Variants in CCR3 observed in about 807,000 individuals in gnomAD.
The protein encoded by CCR3 is C-C chemokine receptor type 3.
For synonymous variants in CCR3, 203 were observed against 179.2 expected (o/e 1.13, Z -1.06); for missense variants, 419 against 437.5 (o/e 0.96, Z 0.38).
chr3:46,223,799 T>C (rs1422964878), intron 2 of CCR3, among the ~76,000 whole-genome samples: 3 of 152,210 alleles, frequency 2.0e-5, no homozygotes, highest in Non-Finnish European at 4.4e-5. Context: ...TTAGATCCCA[T>C]GGCTTGCCTG....
Position 46,236,708 on chromosome 3 carries a change from T to C in CCR3, c.-67-5694T>C, listed in dbSNP as rs117039333. Among the ~76,000 whole-genome samples the C allele has an allele frequency of 7.9e-5, 12 of 152,274 alleles. No individual in the cohort carries two copies. The East Asian group carries it at 2.1e-3, about 27-fold the overall frequency. ...GGATGTCCAGAGTTTCCCAGCAGCATTGGAGAGAGGCAGCACATAGTGGGA... is the reference window on the plus strand; with the variant it reads ...GGATGTCCAGAGTTTCCCAGCAGCACTGGAGAGAGGCAGCACATAGTGGGA... On this transcript the variant is annotated intron_variant, in intron 2 of 3. Coordinates refer to the CCR3 transcript ENST00000357422.
chr3:46,219,462 T>A (rs1200593071), intron 2 of CCR3, among the ~76,000 whole-genome samples: 2 of 152,106 alleles, frequency 1.3e-5, no homozygotes, highest in Non-Finnish European at 2.9e-5. Context: ...ATCATCATTC[T>A]TCACAGAACT....
intron 1 of CCR3, among the ~76,000 whole-genome samples, chr3:46,257,599 G>T (rs1431297302): frequency 6.6e-6 from 1 of 151,968 alleles, no homozygotes; most frequent in Admixed American, 6.6e-5. Context: ...ACATGTATTA[G>T]TATTTAAAAC....
intron 1 of CCR3, among the ~76,000 whole-genome samples, chr3:46,255,535 G>T (rs980933928): frequency 2.4e-4 from 36 of 152,098 alleles, no homozygotes; most frequent in African/African-American, 8.7e-4. Context: ...TTGGGTCTTA[G>T]ATTTAAGTCT....
chr3:46,217,426 G>A (rs1699787764), intron 2 of CCR3, among the ~76,000 whole-genome samples: 1 of 152,060 alleles, frequency 6.6e-6, no homozygotes, highest in South Asian at 2.1e-4. Flanking sequence ...AGTCAACAAA[G>A]AAACATTAGA....
At chr3:46,238,520 C>T (rs547224704), upstream of CCR3, among the ~76,000 whole-genome samples, 1 of 152,156 alleles carries the variant, frequency 6.6e-6, no homozygotes, top group Non-Finnish European at 1.5e-5. Context: ...TAGGTATGTC[C>T]ACCACAAGGG....
At chr3:46,212,586 T>G (rs1357723393) in intron 2 of CCR3, among the ~76,000 whole-genome samples, 1 of 152,122 alleles carries the variant, frequency 6.6e-6, no homozygotes, top group Non-Finnish European at 1.5e-5. Flanking sequence ...TTTTTCCTCC[T>G]GCATCTCTGC....
intron 1 of CCR3, among the ~76,000 whole-genome samples, chr3:46,246,038 G>A (rs1700183196): frequency 6.6e-6 from 1 of 152,128 alleles, no homozygotes; most frequent in Non-Finnish European, 1.5e-5. Flanking sequence ...GATGTTTTGG[G>A]ACTGTTATCA....
At chr3:46,216,899 T>G (rs991612114) in intron 2 of CCR3, among the ~76,000 whole-genome samples, 1 of 152,062 alleles carries the variant, frequency 6.6e-6, no homozygotes, top group African/African-American at 2.4e-5. Context: ...AAATAGAACC[T>G]ACTTAAAGTG....
intron 2 of CCR3, among the ~76,000 whole-genome samples, chr3:46,211,987 C>T (rs746002668): frequency 6.6e-6 from 1 of 152,146 alleles, no homozygotes; most frequent in African/African-American, 2.4e-5. Context: ...CCTGTGTCAG[C>T]CCCATGACTT....
chr3:46,241,461 C>T (rs947260680), upstream of CCR3, among the ~76,000 whole-genome samples: 5 of 152,306 alleles, frequency 3.3e-5, no homozygotes, highest in Non-Finnish European at 5.9e-5. Flanking sequence ...TGCCCTGTGA[C>T]GCTTTGCCCT....
chr3:46,245,681 A>G (rs2125928451), intron 1 of CCR3, among the ~76,000 whole-genome samples: 1 of 152,182 alleles, frequency 6.6e-6, no homozygotes, highest in Admixed American at 6.5e-5. Context: ...CTAGTAGCCA[A>G]TACTTGTTTT....
At chr3:46,234,330 A>G (rs971303405) in intron 2 of CCR3, among the ~76,000 whole-genome samples, 7 of 152,118 alleles carry the variant, frequency 4.6e-5, no homozygotes, top group Admixed American at 1.3e-4. Flanking sequence ...CATTGGTTTA[A>G]TCAATGGGTA....
At chr3:46,230,432 A>T (rs1447268487) in intron 2 of CCR3, among the ~76,000 whole-genome samples, 1 of 152,092 alleles carries the variant, frequency 6.6e-6, no homozygotes, top group African/African-American at 2.4e-5. Flanking sequence ...GTAACCCCTC[A>T]TGCCACATCA....
At chr3:46,258,822 A>C (rs1700474438) in intron 1 of CCR3, among the ~76,000 whole-genome samples, 2 of 152,160 alleles carry the variant, frequency 1.3e-5, no homozygotes. Flanking sequence ...GATAATACCA[A>C]GAGTCTGAAA....
chr3:46,242,978 T>TATATATATATATATATATATAC (rs1322626418), intron 1 of CCR3, among the ~76,000 whole-genome samples: 1 of 81,360 alleles, frequency 1.2e-5, no homozygotes. Context: ...TATATATATA[T>TATATATATATATATATATATAC]ACACATATAT....
intron 1 of CCR3, among the ~76,000 whole-genome samples, chr3:46,246,388 A>T (rs370150478): frequency 3.9e-4 from 60 of 152,092 alleles, no homozygotes; most frequent in East Asian, 3.7e-3. Flanking sequence ...GCGAAGGGAG[A>T]TAAGGGTGGG....
At chr3:46,246,621 C>A in intron 1 of CCR3, among the ~76,000 whole-genome samples, 1 of 152,086 alleles carries the variant, frequency 6.6e-6, no homozygotes, top group Non-Finnish European at 1.5e-5. Flanking sequence ...TGGGGCAGGG[C>A]ATATTCACTT....
At chr3:46,231,183 A>G (rs1163348329) in intron 2 of CCR3, among the ~76,000 whole-genome samples, 4 of 152,180 alleles carry the variant, frequency 2.6e-5, no homozygotes, top group Admixed American at 2.0e-4. Context: ...TTGGCCTCCC[A>G]GAGTGCTGGG....
Sources: allele counts gnomAD v4.1 joint callset (sites outside exome capture counted in the v4.1 genomes callset), GRCh38; gene constraint gnomAD v4.1.1; transcripts MANE v1.5; gene names NCBI Gene and HGNC (gene_info 2026-07-23, HGNC 2026-07-21).